Variants in EPRS1 observed in about 807,000 individuals in gnomAD.
EPRS1 encodes bifunctional glutamate/proline--tRNA ligase.
In EPRS1, 107 loss-of-function variants were observed where a neutral mutation model predicts 188.3. The ratio of observed to expected loss-of-function variants is 0.57; its 90% CI spans 0.49 to 0.67. The LOEUF is 0.67. Among genes scored for constraint, EPRS1 ranks in the 30% least tolerant of loss-of-function variants. The pLI is 0.00. For synonymous variants in EPRS1, 596 were observed against 593.1 expected (o/e 1.00, Z -0.07); for missense variants, 1,577 against 1,802.2 (o/e 0.88, Z 2.26).
At chr1:220,025,394 A>T in intron 6 of EPRS1, 136 bp from the exon 7 acceptor site, 1 of 569,014 alleles carries the variant, frequency 1.8e-6, no homozygotes, top group Non-Finnish European at 2.8e-6. Context: ...TTTTCTAACA[A>T]AAAGTACTGT....
intron 26 of EPRS1, 60 bp downstream of exon 26, chr1:219,980,025 T>C (rs1660864981): frequency 7.2e-7 from 1 of 1,388,710 alleles, no homozygotes. Flanking sequence ...AAGAAATTAT[T>C]GGATCTGTCC....
chr1:219,970,233 T>C (rs1177715763), intron 30 of EPRS1, among the ~76,000 whole-genome samples: 2 of 152,222 alleles, frequency 1.3e-5, no homozygotes, highest in Non-Finnish European at 2.9e-5. Flanking sequence ...AAAATATTCC[T>C]GGAGAGTTAA....
chr1:220,033,768 C>A, intron 3 of EPRS1, 110 bp from the exon 4 acceptor site: 1 of 682,966 alleles, frequency 1.5e-6, no homozygotes, highest in Non-Finnish European at 2.5e-6. Context: ...TCTTACTATG[C>A]TTTTCCTTTC....
chr1:220,022,108 C>G (rs999753567), intron 9 of EPRS1, among the ~76,000 whole-genome samples: 2 of 152,140 alleles, frequency 1.3e-5, no homozygotes, highest in Non-Finnish European at 1.5e-5. Flanking sequence ...CAACTCTAGG[C>G]AGACTCAGGA....
chr1:220,015,273 G>A (rs1661680111), intron 12 of EPRS1, among the ~76,000 whole-genome samples: 1 of 148,718 alleles, frequency 6.7e-6, no homozygotes, highest in South Asian at 2.1e-4. Context: ...GACCAGCTTG[G>A]CCAAGATGAT....
chr1:220,024,951 CT>C (rs1661946323), intron 7 of EPRS1, 180 bp downstream of exon 7: 1 of 590,914 alleles, frequency 1.7e-6, no homozygotes, highest in Non-Finnish European at 3.0e-6. Flanking sequence ...AAAAATAACT[CT>C]TAAGTTTTTT....
At chr1:220,018,849 TTAA>T in intron 11 of EPRS1, 143 bp downstream of exon 11, 5 of 487,834 alleles carry the variant, frequency 1.0e-5, no homozygotes, top group African/African-American at 6.9e-5. Flanking sequence ...AAAGTTTGTT[TTAA>T]AAAAAAAAAA....
intron 18 of EPRS1, among the ~76,000 whole-genome samples, chr1:219,989,025 C>T (rs897705713): frequency 3.3e-5 from 5 of 152,026 alleles, no homozygotes; most frequent in East Asian, 1.9e-4. Context: ...AACAAAAATA[C>T]AATTCAACAT....
Position 220,024,279 on chromosome 1 carries a change from T to TA in EPRS1, c.927dup (p.Lys310Ter). The TA allele has an allele frequency of 6.3e-7, 1 of 1,586,432 alleles. No individual in the cohort carries two copies. The highest frequency in any genetic ancestry group is 8.5e-7 in the Non-Finnish European group (1 of 1,171,648). ...TGTGGCTTACGGTTTTTTCTATGTT[T>TA]AGAGTCTATCCTCTGCTCACGTTCT... is the stretch of plus-strand genomic sequence containing the variant. On this transcript the variant is annotated frameshift_variant, in exon 8 of 32. Transcript: ENST00000366923. LOFTEE classifies it high-confidence loss of function.
chr1:220,033,848 A>T (rs112744144), intron 3 of EPRS1, among the ~76,000 whole-genome samples, 190 bp from the exon 4 acceptor site: 1,536 of 151,502 alleles, frequency 0.01, 42 homozygotes, highest in African/African-American at 0.036. Flanking sequence ...GAACTTAAAT[A>T]AATGCCACAT....
chr1:220,032,253 T>C (rs1662099675), intron 5 of EPRS1, 134 bp downstream of exon 5: 2 of 625,858 alleles, frequency 3.2e-6, no homozygotes, highest in Non-Finnish European at 2.4e-6. Flanking sequence ...TTTTTTTTTT[T>C]TTTTGTATAT....
At chr1:220,027,160 C>T (rs1661991048) in intron 6 of EPRS1, among the ~76,000 whole-genome samples, 2 of 151,812 alleles carry the variant, frequency 1.3e-5, no homozygotes. Flanking sequence ...CACGGTGGCT[C>T]ACGTCTGTAA....
chr1:220,040,230 C>G lies in EPRS1; in HGVS notation c.86G>C (p.Ser29Thr). The change falls in exon 2 of 32, where the codon AGC (serine) becomes ACC (threonine). Residue 29 changes from serine to threonine, a missense_variant. Physicochemically the swap from Ser to Thr is moderately conservative, Grantham distance 58. This residue lies in a region of EPRS1 where 1,278 missense variants were observed against 1,457.4 expected (regional missense o/e 0.88). Coordinates refer to ENST00000366923, the MANE Select transcript of EPRS1 (RefSeq NM_004446.3). ...CTCTTTCCCTTCTTCAACGGAAATG[C>G]TGACATCGTCTTTCACGTGTTCTAC... is the stretch of plus-strand genomic sequence containing the variant. ...LAVEHVKDDV[S>T]ISVEEGKENI... 6.2e-7 allele frequency: 1 copy of G among 1,610,228 alleles called. No individual in the cohort carries two copies. Among genetic ancestry groups the G allele is most frequent in the Non-Finnish European group, 8.5e-7 (1 of 1,177,152 alleles).
In EPRS1 at chr1:219,985,113, T is replaced by C. The variant is rs180934352; in HGVS notation, c.3039-856A>G. Among the ~76,000 whole-genome samples the C allele has an allele frequency of 8.6e-4, 130 of 151,066 alleles. 1 individual carries two copies. The highest frequency in any genetic ancestry group is 3.0e-3 in the African/African-American group (123 of 41,220). ...ACATCTCTTAAAAAGTTGAGAGATA[T>C]TGTCCACAAAATCTAGGAAAGCCAA... On this transcript the variant is annotated intron_variant, in intron 20 of 31. Transcript: ENST00000366923.
chr1:220,007,774 C>G (rs554534286), intron 13 of EPRS1, among the ~76,000 whole-genome samples: 1 of 152,260 alleles, frequency 6.6e-6, no homozygotes, highest in Non-Finnish European at 1.5e-5. Flanking sequence ...CCTTAGAATC[C>G]CACTGCTTCG....
At position 220,024,304 on chromosome 1, in the gene EPRS1, T is replaced by C; in HGVS notation, c.903A>G (p.Ala301=). 1 of 1,608,002 alleles carries C rather than the reference T, an allele frequency of 6.2e-7. No individual in the cohort carries two copies. Among genetic ancestry groups the C allele is most frequent in the Non-Finnish European group, 8.5e-7 (1 of 1,178,430 alleles). Residue 301 remains alanine (A), a synonymous_variant, in exon 8 of 32, where the codon GCA becomes GCG. Transcript: ENST00000366923. ...TAGAGTCTATCCTCTGCTCACGTTC[T>C]GCTTTCATCTGTTCAGCAGGAGTAT... ...VDDTPAEQMK[A]EREQRIDSKH...
intron 28 of EPRS1, among the ~76,000 whole-genome samples, chr1:219,978,161 T>G (rs1660813321): frequency 6.6e-6 from 1 of 152,218 alleles, no homozygotes; most frequent in Admixed American, 6.5e-5. Flanking sequence ...TGTTTCACTA[T>G]TAGCTATAAC....
rs55642831 is a variant in EPRS1 at position 220,008,107 on chromosome 1, CA to C, written c.1606-770del. The stretch of plus-strand genomic sequence containing the variant: ...GGGCAACAGAGCGAGACTCCGTCAC[CA>C]AAAAAAAAAAAAAAAAAAAAAAAAA... On this transcript the variant is annotated intron_variant, in intron 13 of 31. Transcript: ENST00000366923. Among the ~76,000 whole-genome samples, 1,098 of 132,604 alleles carry C rather than the reference CA, an allele frequency of 8.3e-3. 3 individuals are homozygous for C. Among genetic ancestry groups the C allele is most frequent in the African/African-American group, 0.029 (1,001 of 34,280 alleles). The allele number at this position is 132,604 out of a possible 152,430, so 87.0% of individuals were successfully genotyped here. A position where few individuals can be genotyped will look rare whatever the true frequency, so the allele number is the denominator to read the frequency against.
At chr1:220,043,725 T>A (rs139260563) in intron 1 of EPRS1, among the ~76,000 whole-genome samples, 1 of 152,144 alleles carries the variant, frequency 6.6e-6, no homozygotes, top group African/African-American at 2.4e-5. Context: ...CCAGGAAATA[T>A]CAGACAACTT....
Sources: allele counts gnomAD v4.1 joint callset (sites outside exome capture counted in the v4.1 genomes callset), GRCh38; gene constraint gnomAD v4.1.1; regional missense constraint gnomAD v4.1.1; transcripts MANE v1.5; gene names NCBI Gene and HGNC (gene_info 2026-07-23, HGNC 2026-07-21).